Variants in PCDH15 observed in about 807,000 individuals in gnomAD.
The protein encoded by PCDH15 is protocadherin related 15, also known as protocadherin-15.
Under a neutral mutation model 178.5 loss-of-function variants are expected in PCDH15, and 129 were observed. The observed-to-expected ratio is 0.72, with a 90% CI of 0.63 to 0.84. The LOEUF is 0.84. PCDH15 is among the 40% of genes least tolerant of loss of function. The pLI, the probability that PCDH15 is intolerant of heterozygous loss-of-function variation, is 0.00. For missense variants in PCDH15, 2,230 were observed against 2,099.9 expected, an observed-to-expected ratio of 1.06 and a Z score of -1.21; for synonymous variants, 800 against 732.0, an observed-to-expected ratio of 1.09 and a Z score of -1.50.
intron 2 of PCDH15, among the ~76,000 whole-genome samples, chr10:54,628,480 T>A (rs559228842): frequency 6.6e-6 from 1 of 152,318 alleles, no homozygotes; most frequent in East Asian, 1.9e-4. Context: ...TACAGGTCTT[T>A]AGTTAAAAGG....
chr10:53,876,328 C>T (rs1179256773), intron 26 of PCDH15, among the ~76,000 whole-genome samples: 3 of 151,908 alleles, frequency 2.0e-5, no homozygotes, highest in South Asian at 2.1e-4. Context: ...GCTGGGACTA[C>T]GGGCACCCAC....
chr10:54,831,686 A>G (rs1388274379), intron 3 of PCDH15, among the ~76,000 whole-genome samples: 1 of 152,158 alleles, frequency 6.6e-6, no homozygotes, highest in Non-Finnish European at 1.5e-5. Flanking sequence ...CCACATGCCA[A>G]TCAGTATATT....
chr10:55,328,048 C>T (rs770073700), intron 2 of PCDH15, among the ~76,000 whole-genome samples: 5 of 151,826 alleles, frequency 3.3e-5, no homozygotes, highest in Non-Finnish European at 7.4e-5. Flanking sequence ...AAATACATTG[C>T]TTGGGGAAAG....
intron 2 of PCDH15, among the ~76,000 whole-genome samples, chr10:55,427,634 G>A (rs1008158043): frequency 6.6e-6 from 1 of 152,148 alleles, no homozygotes; most frequent in African/African-American, 2.4e-5. Context: ...TGGAGTGGTG[G>A]AAAATGTGTT....
At chr10:54,798,967 C>T (rs1446158010) in intron 1 of PCDH15, among the ~76,000 whole-genome samples, 1 of 152,064 alleles carries the variant, frequency 6.6e-6, no homozygotes, top group Non-Finnish European at 1.5e-5. Flanking sequence ...AAAGTAGTCA[C>T]ATTTATGAAA....
intron 2 of PCDH15, among the ~76,000 whole-genome samples, chr10:55,329,313 A>G (rs952076527): frequency 6.6e-6 from 1 of 151,650 alleles, no homozygotes; most frequent in African/African-American, 2.4e-5. Context: ...TATTGTGAGT[A>G]CATTGTTACT....
intron 1 of PCDH15, among the ~76,000 whole-genome samples, chr10:54,755,750 A>T (rs952112751): frequency 6.6e-6 from 1 of 152,166 alleles, no homozygotes; most frequent in East Asian, 1.9e-4. Flanking sequence ...AATCTACTGT[A>T]TAAGATTAAT....
At chr10:54,429,004 T>A (rs1240531660) in intron 3 of PCDH15, among the ~76,000 whole-genome samples, 2 of 152,178 alleles carry the variant, frequency 1.3e-5, no homozygotes. Flanking sequence ...CTGGTAATAC[T>A]AAGCACACAG....
chr10:55,477,418 A>G (rs550973854), intron 2 of PCDH15, among the ~76,000 whole-genome samples: 3 of 152,026 alleles, frequency 2.0e-5, no homozygotes, highest in African/African-American at 7.2e-5. Context: ...TGTGAATCAG[A>G]AGTCAAAAGA....
At chr10:54,346,512 A>G (rs1403844750) in intron 5 of PCDH15, 28 bp from the exon 6 acceptor site, 23 of 1,611,292 alleles carry the variant, frequency 1.4e-5, no homozygotes, top group Non-Finnish European at 2.0e-5. Flanking sequence ...TTTAAATATC[A>G]ATTTTCATTT....
chr10:54,560,527 C>G (rs1259585871), intron 2 of PCDH15, among the ~76,000 whole-genome samples: 1 of 151,634 alleles, frequency 6.6e-6, no homozygotes, highest in African/African-American at 2.4e-5. Context: ...AAGGCAGTTG[C>G]CTAGATTTGG....
intron 2 of PCDH15, among the ~76,000 whole-genome samples, chr10:55,496,073 G>C (rs1046876374): frequency 1.3e-5 from 2 of 151,800 alleles, no homozygotes; most frequent in Admixed American, 1.3e-4. Context: ...TTTTGGGGAG[G>C]AGGAAAAATA....
At chr10:55,109,834 C>T (rs1270187111) in intron 2 of PCDH15, among the ~76,000 whole-genome samples, 9 of 151,698 alleles carry the variant, frequency 5.9e-5, no homozygotes, top group African/African-American at 2.4e-5. Context: ...GCTTTATTCT[C>T]GAAATTTATT....
chr10:55,116,940 C>A (rs1482172447), intron 2 of PCDH15, among the ~76,000 whole-genome samples: 5 of 152,162 alleles, frequency 3.3e-5, no homozygotes, highest in Admixed American at 2.0e-4. Context: ...AACTAACAGG[C>A]CTTGCTAAAT....
rs549711276 is a variant in PCDH15, at chr10:55,593,579, T to G, written c.-156+34046A>C. Among the ~76,000 whole-genome samples the G allele has an allele frequency of 9.8e-4, 149 of 151,968 alleles. 1 individual carries two copies. Among genetic ancestry groups the G allele is most frequent in the Non-Finnish European group, 1.8e-3 (122 of 67,814 alleles). On this transcript the variant is annotated intron_variant, in intron 2 of 5. Transcript: ENST00000613346. The stretch of plus-strand genomic sequence containing the variant: ...ATATAAAAGGAATTTATTGTATACA[T>G]CTGGAAATAAGAGGTACTGAATACC...
At chr10:54,115,387 C>T (rs7916842) in intron 15 of PCDH15, among the ~76,000 whole-genome samples, 4,463 of 152,258 alleles carry the variant, frequency 0.029, 240 homozygotes, top group African/African-American at 0.1. Context: ...TGATAAAAAA[C>T]ACCATGATAT....
chr10:54,407,508 C>T (rs1346569454), intron 3 of PCDH15, among the ~76,000 whole-genome samples: 1 of 151,906 alleles, frequency 6.6e-6, no homozygotes, highest in African/African-American at 2.4e-5. Context: ...TCAATTTATT[C>T]TGTATATGAC....
intron 3 of PCDH15, among the ~76,000 whole-genome samples, chr10:54,491,317 AAAG>A (rs893147027): frequency 2.0e-5 from 3 of 149,340 alleles, no homozygotes; most frequent in Non-Finnish European, 3.0e-5. Flanking sequence ...TCAAAAAAAA[AAAG>A]AAAGAAAAGT....
At chr10:54,170,642 G>T (rs1003459911) in intron 13 of PCDH15, among the ~76,000 whole-genome samples, 1 of 151,072 alleles carries the variant, frequency 6.6e-6, no homozygotes, top group Non-Finnish European at 1.5e-5. Flanking sequence ...TACCACACCT[G>T]ACCCCCATGA....
Sources: allele counts gnomAD v4.1 joint callset (sites outside exome capture counted in the v4.1 genomes callset), GRCh38; gene constraint gnomAD v4.1.1; transcripts MANE v1.5; gene names NCBI Gene and HGNC (gene_info 2026-07-23, HGNC 2026-07-21).